C1QTNF7: variants seen among roughly 807,000 people sequenced by gnomAD.
C1QTNF7 encodes the protein complement C1q tumor necrosis factor-related protein 7.
A neutral mutation model predicts 19.6 loss-of-function variants in C1QTNF7; 15 were observed. That is an observed-to-expected ratio of 0.76 (90% CI 0.51 to 1.18). The LOEUF (loss-of-function observed/expected upper bound fraction) is 1.18. Ranked by LOEUF, C1QTNF7 falls within the 50% of genes most tolerant of loss-of-function variation. The pLI, the probability that C1QTNF7 is intolerant of heterozygous loss-of-function variation, is 0.00. For missense variants in C1QTNF7, 324 were observed against 359.7 expected (o/e 0.90, Z 0.80); for synonymous variants, 142 against 137.5 (o/e 1.03, Z -0.23).
chr4:15,396,205 A>G (rs564433786), intron 1 of C1QTNF7, among the ~76,000 whole-genome samples: 7 of 152,300 alleles, frequency 4.6e-5, no homozygotes, highest in Non-Finnish European at 8.8e-5. Flanking sequence ...GAATGTGAAG[A>G]TTCAGCCACT....
intron 1 of C1QTNF7, among the ~76,000 whole-genome samples, chr4:15,402,036 G>A (rs1719013844): frequency 6.6e-6 from 1 of 152,222 alleles, no homozygotes; most frequent in Non-Finnish European, 1.5e-5. Context: ...TTCTCTAAAT[G>A]TAAAGGGAAC....
intron 1 of C1QTNF7, among the ~76,000 whole-genome samples, chr4:15,349,232 T>G (rs549603581): frequency 2.6e-5 from 4 of 152,308 alleles, no homozygotes; most frequent in Non-Finnish European, 5.9e-5. Context: ...TTGGAAACTT[T>G]AAATCTTCAT....
At chr4:15,441,309 A>C (rs1190774937) in intron 2 of C1QTNF7, among the ~76,000 whole-genome samples, 3 of 152,244 alleles carry the variant, frequency 2.0e-5, no homozygotes, top group Admixed American at 6.5e-5. Context: ...AGTAATAATA[A>C]TTCTGAGTTC....
intron 1 of C1QTNF7, among the ~76,000 whole-genome samples, chr4:15,352,858 A>G (rs1379326225): frequency 6.6e-6 from 1 of 152,156 alleles, no homozygotes; most frequent in Non-Finnish European, 1.5e-5. Flanking sequence ...TCATCTGGCC[A>G]TCTTTGCTGA....
Position 15,442,784 on chromosome 4 carries a change from AGAT to A in C1QTNF7, c.861_863del (p.Asp287del). ...CAGATTACCTAGATTCCATATCAGA[AGAT>A]GATGAATTGTGATCAGGACCAAGAT... On this transcript the variant is annotated inframe_deletion, in exon 3 of 3. Coordinates refer to ENST00000444304, the MANE Select transcript of C1QTNF7 (RefSeq NM_031911.5). The A allele has an allele frequency of 6.2e-7, 1 of 1,607,666 alleles. No individual in the cohort carries two copies.
At chr4:15,364,867 G>A (rs987338454) in intron 1 of C1QTNF7, among the ~76,000 whole-genome samples, 2 of 152,150 alleles carry the variant, frequency 1.3e-5, no homozygotes, top group Non-Finnish European at 2.9e-5. Flanking sequence ...TGGGTTTGAG[G>A]TATGGGAATG....
In C1QTNF7 at chr4:15,442,503, A is replaced by G. The variant is rs1245443462; in HGVS notation, c.574A>G (p.Ile192Val). 6.2e-7 allele frequency: 1 copy of G among 1,614,032 alleles called. No homozygotes were observed. The highest frequency in any genetic ancestry group is 8.5e-7 in the Non-Finnish European group (1 of 1,180,028). Residue 192 changes from isoleucine (I) to valine (V), a missense_variant, in exon 3 of 3, where the codon ATC (isoleucine) becomes GTC (valine). Coordinates refer to ENST00000444304, the MANE Select transcript of C1QTNF7 (RefSeq NM_031911.5). ...GAAGTTCATCTGTGCTTTCCCAGGGATCTATTACTTTTCTTATGATATCAC... is the reference window on the plus strand; with the variant it reads ...GAAGTTCATCTGTGCTTTCCCAGGGGTCTATTACTTTTCTTATGATATCAC... ...TGKFICAFPGIYYFSYDITLA... is the reference protein window; with the variant it reads ...TGKFICAFPGVYYFSYDITLA...
At chr4:15,436,042 T>A in intron 2 of C1QTNF7, 61 bp downstream of exon 2, 1 of 1,548,144 alleles carries the variant, frequency 6.5e-7, no homozygotes, top group Non-Finnish European at 8.7e-7. Flanking sequence ...ACTGTTCCCC[T>A]TTCTTTGTTA....
intron 1 of C1QTNF7, among the ~76,000 whole-genome samples, chr4:15,428,343 C>T (rs13116402): frequency 0.53 from 80,272 of 151,914 alleles, 24,440 homozygotes; most frequent in Non-Finnish European, 0.69. Context: ...TTGGGGAGGA[C>T]GATATGGGCT....
At chr4:15,431,254 G>C (rs922993573) in intron 1 of C1QTNF7, among the ~76,000 whole-genome samples, 4 of 152,026 alleles carry the variant, frequency 2.6e-5, no homozygotes, top group Non-Finnish European at 5.9e-5. Context: ...TACACATATA[G>C]GTGTCAATAC....
intron 1 of C1QTNF7, among the ~76,000 whole-genome samples, chr4:15,342,771 T>C (rs1716590638): frequency 6.6e-6 from 1 of 152,206 alleles, no homozygotes; most frequent in South Asian, 2.1e-4. Flanking sequence ...TCATGGGTTA[T>C]TATTATAATA....
At chr4:15,392,770 A>C (rs56659286) in intron 1 of C1QTNF7, among the ~76,000 whole-genome samples, 2,717 of 152,288 alleles carry the variant, frequency 0.018, 94 homozygotes, top group African/African-American at 0.062. Flanking sequence ...TAATTATGAT[A>C]TAGAAAGGGG....
At chr4:15,371,407 G>A (rs779077562) in intron 1 of C1QTNF7, among the ~76,000 whole-genome samples, 8 of 152,100 alleles carry the variant, frequency 5.3e-5, no homozygotes, top group Non-Finnish European at 1.0e-4. Context: ...TATTTTCCCC[G>A]GCTTGCCCCT....
At chr4:15,398,902 G>T (rs1181062645) in intron 1 of C1QTNF7, among the ~76,000 whole-genome samples, 1 of 152,190 alleles carries the variant, frequency 6.6e-6, no homozygotes, top group Non-Finnish European at 1.5e-5. Context: ...TTATAAGCTG[G>T]TGTGCTTCTG....
chr4:15,360,558 C>G (rs1008896656), intron 1 of C1QTNF7, among the ~76,000 whole-genome samples: 1 of 152,094 alleles, frequency 6.6e-6, no homozygotes, highest in African/African-American at 2.4e-5. Context: ...CTTAGAAACA[C>G]TAGTCAGCAT....
chr4:15,340,103 A>C, exon 1 of C1QTNF7: 4 of 1,412,358 alleles, frequency 2.8e-6, no homozygotes, highest in Non-Finnish European at 3.9e-6. Context: ...ATAAACACAT[A>C]TTTCTGCTTT....
exon 1 of C1QTNF7, chr4:15,339,972 A>C: frequency 1.6e-6 from 1 of 621,116 alleles, no homozygotes. Context: ...ACTGAGAAAG[A>C]CAGTTGCAAA....
intron 1 of C1QTNF7, among the ~76,000 whole-genome samples, chr4:15,404,479 A>T (rs749228138): frequency 5.3e-5 from 8 of 152,232 alleles, no homozygotes; most frequent in Non-Finnish European, 1.2e-4. Flanking sequence ...TAACACTTAT[A>T]AAGTATTTAG....
At chr4:15,371,902 CT>C (rs1717745117) in intron 1 of C1QTNF7, among the ~76,000 whole-genome samples, 1 of 152,070 alleles carries the variant, frequency 6.6e-6, no homozygotes, top group African/African-American at 2.4e-5. Context: ...AATGTCTTGC[CT>C]CCAGGCAACT....
Sources: allele counts gnomAD v4.1 joint callset (sites outside exome capture counted in the v4.1 genomes callset), GRCh38; gene constraint gnomAD v4.1.1; transcripts MANE v1.5; gene names NCBI Gene and HGNC (gene_info 2026-07-23, HGNC 2026-07-21).